Variants in DPP10 observed in about 807,000 individuals in gnomAD.
The protein encoded by DPP10 is dipeptidyl peptidase like 10, also known as inactive dipeptidyl peptidase 10.
DPP10 carries 33 observed loss-of-function variants against 120.9 expected under a neutral mutation model. The ratio of observed to expected loss-of-function variants is 0.27; its 90% CI spans 0.21 to 0.37. The LOEUF (loss-of-function observed/expected upper bound fraction) is 0.37. DPP10 is among the 10% of genes least tolerant of loss of function. The pLI is 1.00. For synonymous variants in DPP10, 337 were observed against 326.1 expected, an observed-to-expected ratio of 1.03 and a Z score of -0.36; for missense variants, 816 against 942.8, an observed-to-expected ratio of 0.87 and a Z score of 1.76.
chr2:114,711,648 C>A (rs529198266), intron 1 of DPP10, among the ~76,000 whole-genome samples: 1 of 152,250 alleles, frequency 6.6e-6, no homozygotes, highest in East Asian at 1.9e-4. Flanking sequence ...GAAGAACCAA[C>A]CTGACCCTTT....
intron 1 of DPP10, among the ~76,000 whole-genome samples, chr2:115,088,394 C>A (rs757240618): frequency 2.2e-4 from 33 of 152,144 alleles, no homozygotes; most frequent in Non-Finnish European, 4.6e-4. Flanking sequence ...AATGGTGCTA[C>A]CTAGCTAACT....
intron 1 of DPP10, among the ~76,000 whole-genome samples, chr2:114,884,717 C>T (rs1691915444): frequency 6.6e-6 from 1 of 152,140 alleles, no homozygotes; most frequent in Non-Finnish European, 1.5e-5. Context: ...TCCTCCCACC[C>T]TTCCCCCAAT....
chr2:115,077,153 T>C (rs1707872646), intron 1 of DPP10, among the ~76,000 whole-genome samples: 1 of 152,152 alleles, frequency 6.6e-6, no homozygotes, highest in African/African-American at 2.4e-5. Flanking sequence ...ATAGGTGCAA[T>C]GGAATGGGCC....
intron 1 of DPP10, chr2:115,066,695 A>C (rs923604027): frequency 2.0e-5 from 3 of 152,210 alleles, no homozygotes; most frequent in Non-Finnish European, 4.4e-5. Context: ...GTACTGTATT[A>C]GGCATTAAAA....
intron 1 of DPP10, among the ~76,000 whole-genome samples, chr2:115,121,037 C>T (rs1292240449): frequency 6.6e-6 from 1 of 152,172 alleles, no homozygotes; most frequent in Non-Finnish European, 1.5e-5. Flanking sequence ...AGATTTCTTA[C>T]TAGGGCTTCT....
rs59893017 is a variant in DPP10, at chr2:115,711,461, A to C, written c.577-16355A>C. Reference sequence around the variant, plus strand: ...TGGATTCTTGTACATCATAAAATGGAGTTTAAGATTACTCTAGCTGTTGTG... The same window carrying C: ...TGGATTCTTGTACATCATAAAATGGCGTTTAAGATTACTCTAGCTGTTGTG... On this transcript the variant is annotated intron_variant, in intron 7 of 25. Coordinates refer to ENST00000410059, the MANE Select transcript of DPP10 (RefSeq NM_020868.6). Among the ~76,000 whole-genome samples the C allele has an allele frequency of 4.2e-3, 642 of 152,206 alleles. 5 individuals are homozygous for C. Among genetic ancestry groups the C allele is most frequent in the African/African-American group, 0.015 (618 of 41,522 alleles).
intron 5 of DPP10, among the ~76,000 whole-genome samples, chr2:115,646,524 A>C: frequency 6.6e-6 from 1 of 152,210 alleles, no homozygotes; most frequent in Non-Finnish European, 1.5e-5. Flanking sequence ...TGGCTGTGAC[A>C]TGTAATACCA....
intron 2 of DPP10, among the ~76,000 whole-genome samples, chr2:115,331,999 G>C (rs946156062): frequency 6.6e-6 from 1 of 152,138 alleles, no homozygotes; most frequent in African/African-American, 2.4e-5. Context: ...AGAGGGAATG[G>C]TACCAGCTTC....
chr2:115,423,416 T>G (rs1453383471), intron 3 of DPP10, among the ~76,000 whole-genome samples: 1 of 152,154 alleles, frequency 6.6e-6, no homozygotes, highest in Non-Finnish European at 1.5e-5. Flanking sequence ...AATGCTAATT[T>G]AAAATTCTAA....
chr2:114,468,397 C>CAAA (rs71297186), intron 1 of DPP10, among the ~76,000 whole-genome samples: 1,414 of 69,126 alleles, frequency 0.02, 23 homozygotes, highest in East Asian at 0.041. Context: ...GCTTACAATG[C>CAAA]AAAAAAAAAA....
At position 115,747,441 on chromosome 2, in the gene DPP10, C is replaced by T. The variant is rs575361291; in HGVS notation, c.950+1258C>T. 1.7e-4 allele frequency among the ~76,000 whole-genome samples: 26 copies of T among 152,102 alleles called. No individual in the cohort carries two copies. In the South Asian group the frequency reaches 5.2e-3, roughly 30 times the overall value. On this transcript the variant is annotated intron_variant, in intron 10 of 25. Transcript: ENST00000410059. ...GGATACTATTGACATTTTATCTGGT[C>T]CTTAACTCTTATCTTTTTCTCTGGT... is the stretch of plus-strand genomic sequence containing the variant.
intron 1 of DPP10, among the ~76,000 whole-genome samples, chr2:114,870,166 A>G (rs1407366725): frequency 6.6e-6 from 1 of 152,214 alleles, no homozygotes; most frequent in Non-Finnish European, 1.5e-5. Flanking sequence ...AAGATATAGC[A>G]TAATGGCTGA....
chr2:115,803,578 C>G (rs953547751), intron 19 of DPP10, among the ~76,000 whole-genome samples: 1 of 152,086 alleles, frequency 6.6e-6, no homozygotes, highest in Non-Finnish European at 1.5e-5. Context: ...ACCGGTTGTT[C>G]CTTTCCATGT....
chr2:115,380,762 T>G (rs1403899580), intron 3 of DPP10, among the ~76,000 whole-genome samples: 1 of 152,188 alleles, frequency 6.6e-6, no homozygotes, highest in Non-Finnish European at 1.5e-5. Flanking sequence ...TGACAAAATC[T>G]CTCAGCATTT....
chr2:114,643,940 T>A (rs988041901), intron 1 of DPP10, among the ~76,000 whole-genome samples: 12 of 144,360 alleles, frequency 8.3e-5, no homozygotes, highest in South Asian at 2.1e-4. Flanking sequence ...TATATATTTT[T>A]TTTTTTTTTT....
intron 3 of DPP10, among the ~76,000 whole-genome samples, chr2:115,382,602 G>C (rs906847917): frequency 3.3e-5 from 5 of 151,988 alleles, no homozygotes; most frequent in Non-Finnish European, 7.4e-5. Context: ...TGCTATCTCT[G>C]TGTCTAGCTA....
intron 1 of DPP10, among the ~76,000 whole-genome samples, chr2:114,619,737 C>G (rs1693953387): frequency 1.3e-5 from 2 of 151,952 alleles, no homozygotes; most frequent in South Asian, 4.1e-4. Flanking sequence ...ATATGATTCT[C>G]TTAAACTCTA....
chr2:115,383,501 G>A (rs907969209), intron 3 of DPP10, among the ~76,000 whole-genome samples: 3 of 152,084 alleles, frequency 2.0e-5, no homozygotes, highest in African/African-American at 7.2e-5. Context: ...ATAGAAGTGG[G>A]ATTTTTACAA....
At chr2:114,662,348 G>A (rs1697483609) in intron 1 of DPP10, among the ~76,000 whole-genome samples, 1 of 152,224 alleles carries the variant, frequency 6.6e-6, no homozygotes, top group Admixed American at 6.5e-5. Flanking sequence ...GGGCACCGCT[G>A]CGCGGGGAGC....
Sources: allele counts gnomAD v4.1 joint callset (sites outside exome capture counted in the v4.1 genomes callset), GRCh38; gene constraint gnomAD v4.1.1; transcripts MANE v1.5; gene names NCBI Gene and HGNC (gene_info 2026-07-23, HGNC 2026-07-21).